Variants in TIGAR observed in about 807,000 individuals in gnomAD.
TIGAR encodes fructose-2,6-bisphosphatase TIGAR.
TIGAR carries 7 observed loss-of-function variants against 17.9 expected under a neutral mutation model. The observed-to-expected ratio is 0.39, with a 90% confidence interval of 0.22 to 0.73. The LOEUF (loss-of-function observed/expected upper bound fraction) is 0.73, where lower values mean the gene tolerates loss of function less well. TIGAR is among the 30% of genes least tolerant of loss of function. The pLI is 0.42. For missense variants in TIGAR, 258 were observed against 327.4 expected (o/e 0.79, Z 1.64); for synonymous variants, 94 against 108.6 (o/e 0.87, Z 0.84).
intron 1 of TIGAR, 103 bp from the exon 2 acceptor site, chr12:4,331,177 A>T: frequency 1.0e-6 from 1 of 988,646 alleles, no homozygotes; most frequent in Non-Finnish European, 1.6e-6. Context: ...CAAGTTTCAC[A>T]TGATATTTTT....
Position 4,353,091 on chromosome 12 carries a change from T to C in TIGAR, c.*400T>C, listed in dbSNP as rs2120696787. The C allele has an allele frequency of 6.0e-6, 1 of 166,738 alleles. No individual in the cohort carries two copies. The highest frequency in any genetic ancestry group is 1.7e-4 in the East Asian group (1 of 5,862). 10.3% of individuals were successfully genotyped at this position (166,738 alleles called of 1,614,324 possible). ...AGTGCTTAGAAGAAAGAATGGTTTA[T>C]AATTCCCAGTACATGTTTATATTGA... On this transcript the variant is annotated 3_prime_UTR_variant, in exon 6 of 6. Coordinates refer to ENST00000179259, the MANE Select transcript of TIGAR (RefSeq NM_020375.3).
rs919862918 is a variant in TIGAR at position 4,352,641 on chromosome 12, A to G, written c.763A>G (p.Ile255Val). 3 of 1,605,966 alleles carry G rather than the reference A, an allele frequency of 1.9e-6. No homozygotes were observed. Among genetic ancestry groups the G allele is most frequent in the African/African-American group, 1.3e-5 (1 of 75,060 alleles). ...AGAAGTTAAACCAACGGTTCAGTGTATTTGTATGAACCTACAGGATCATCT... is the reference window on the plus strand; with the variant it reads ...AGAAGTTAAACCAACGGTTCAGTGTGTTTGTATGAACCTACAGGATCATCT... ...GREVKPTVQC[I>V]CMNLQDHLNG... The change falls in exon 6 of 6, where the codon ATT becomes GTT. Residue 255 changes from isoleucine (I) to valine (V), a missense_variant. By Grantham distance (29) the Ile-to-Val change is conservative. Coordinates refer to ENST00000179259, the MANE Select transcript of TIGAR (RefSeq NM_020375.3).
intron 1 of TIGAR, among the ~76,000 whole-genome samples, chr12:4,327,242 C>T (rs1007266459): frequency 1.3e-5 from 2 of 152,072 alleles, no homozygotes; most frequent in Non-Finnish European, 2.9e-5. Flanking sequence ...AACCATGTCT[C>T]TACTAAACAT....
chr12:4,324,953 T>TTG, intron 1 of TIGAR: 2 of 267,440 alleles, frequency 7.5e-6, no homozygotes, highest in Non-Finnish European at 7.1e-6. Context: ...TTTTTTTTTT[T>TTG]TTTGACGAAA....
In TIGAR at chr12:4,349,287, G is replaced by A. The variant is rs146089446; in HGVS notation, c.193-532G>A. Among the ~76,000 whole-genome samples the A allele has an allele frequency of 2.8e-3, 430 of 152,274 alleles. 3 individuals carry two copies. Among genetic ancestry groups the A allele is most frequent in the African/African-American group, 9.9e-3 (410 of 41,544 alleles). Reference sequence around the variant, plus strand: ...TACTTTATTTGCAAAAGCAGATGATGGTCTGGATTGTGCTGACTTCTGAAC... The same window carrying A: ...TACTTTATTTGCAAAAGCAGATGATAGTCTGGATTGTGCTGACTTCTGAAC... On this transcript the variant is annotated intron_variant, in intron 3 of 5. Coordinates refer to ENST00000179259, the MANE Select transcript of TIGAR (RefSeq NM_020375.3).
At chr12:4,324,723 G>T in intron 1 of TIGAR, 1 of 668,464 alleles carries the variant, frequency 1.5e-6, no homozygotes, top group Non-Finnish European at 2.5e-6. Flanking sequence ...GCTGCTCGCA[G>T]GACACGTCCC....
At chr12:4,342,307 ACT>A (rs1380284802) in intron 3 of TIGAR, among the ~76,000 whole-genome samples, 3 of 152,202 alleles carry the variant, frequency 2.0e-5, no homozygotes, top group African/African-American at 7.2e-5. Context: ...GTTGGAAAAC[ACT>A]CTGCAGCATA....
intron 2 of TIGAR, among the ~76,000 whole-genome samples, chr12:4,333,753 C>T (rs894518675): frequency 5.9e-5 from 9 of 152,172 alleles, no homozygotes; most frequent in South Asian, 4.1e-4. Context: ...CGTTAGCCAC[C>T]GCGCCTGGCC....
chr12:4,324,264 T>A, intron 1 of TIGAR: 1 of 631,600 alleles, frequency 1.6e-6, no homozygotes, highest in Non-Finnish European at 2.8e-6. Context: ...AGGGTCTGGT[T>A]CCTTGGAATG....
Position 4,357,532 on chromosome 12 carries a change from A to G in TIGAR, c.*4841A>G, listed in dbSNP as rs1214967062. 6.6e-6 allele frequency among the ~76,000 whole-genome samples: 1 copy of G among 152,192 alleles called. No homozygotes were observed. The highest frequency in any genetic ancestry group is 1.5e-5 in the Non-Finnish European group (1 of 68,026). On this transcript the variant is annotated 3_prime_UTR_variant, in exon 6 of 6. Transcript: ENST00000179259. ...ACCCCTCTTTCTTTGGGCCCCATCA[A>G]TTTGGAAGTACAGCTTTCAGATTGA...
In TIGAR at chr12:4,354,078, CTG is replaced by C. The variant is rs1864869446; in HGVS notation, c.*1390_*1391del. 1.3e-5 allele frequency: 2 copies of C among 152,532 alleles called. No homozygotes were observed. Among genetic ancestry groups the C allele is most frequent in the Admixed American group, 1.3e-4 (2 of 15,264 alleles). The allele number at this position is 152,532 out of a possible 1,614,324, so 9.4% of individuals were successfully genotyped here. A position where few individuals can be genotyped will look rare whatever the true frequency, so the allele number is the denominator to read the frequency against. ...TTTTAAGTCACCATGTTGCTAAATG[CTG>C]TGAGTCTCAACTTTAAAGAGGGTTA... is the stretch of plus-strand genomic sequence containing the variant. On this transcript the variant is annotated 3_prime_UTR_variant, in exon 6 of 6. Coordinates refer to ENST00000179259, the MANE Select transcript of TIGAR (RefSeq NM_020375.3).
Position 4,348,707 on chromosome 12 carries a change from A to G in TIGAR, c.193-1112A>G, listed in dbSNP as rs184850166. On this transcript the variant is annotated intron_variant, in intron 3 of 5. Coordinates refer to ENST00000179259, the MANE Select transcript of TIGAR (RefSeq NM_020375.3). ...AAATACAAGGAAATATTGACAGTACATATAAAACAGTATGATGATGATGTC... is the reference window on the plus strand; with the variant it reads ...AAATACAAGGAAATATTGACAGTACGTATAAAACAGTATGATGATGATGTC... 9.7e-4 allele frequency among the ~76,000 whole-genome samples: 148 copies of G among 152,388 alleles called. 1 individual carries two copies. The highest frequency in any genetic ancestry group is 6.4e-3 in the South Asian group (31 of 4,832).
At chr12:4,327,410 GAAA>G (rs541221100) in intron 1 of TIGAR, among the ~76,000 whole-genome samples, 1 of 85,090 alleles carries the variant, frequency 1.2e-5, no homozygotes, top group Non-Finnish European at 2.5e-5. Flanking sequence ...CCCCATCTCA[GAAA>G]AAAAAAAAAA....
At chr12:4,347,901 C>T (rs966048878) in intron 3 of TIGAR, among the ~76,000 whole-genome samples, 2 of 151,922 alleles carry the variant, frequency 1.3e-5, no homozygotes, top group Non-Finnish European at 2.9e-5. Flanking sequence ...TTTGGGAGGC[C>T]GAAGCGGGAA....
chr12:4,343,091 T>A (rs935716945), intron 3 of TIGAR, among the ~76,000 whole-genome samples: 1 of 152,132 alleles, frequency 6.6e-6, no homozygotes, highest in Non-Finnish European at 1.5e-5. Context: ...GCAGTTCTAG[T>A]CTCTGATAAA....
At chr12:4,337,637 T>A (rs1298907431) in intron 3 of TIGAR, among the ~76,000 whole-genome samples, 1 of 152,152 alleles carries the variant, frequency 6.6e-6, no homozygotes, top group African/African-American at 2.4e-5. Flanking sequence ...AAATAATTTT[T>A]AAATTAGAGT....
At chr12:4,336,759 G>A (rs1864664021) in intron 2 of TIGAR, among the ~76,000 whole-genome samples, 1 of 151,982 alleles carries the variant, frequency 6.6e-6, no homozygotes, top group Admixed American at 6.6e-5. Context: ...GAAGAGAGGG[G>A]CAAACATAAA....
Position 4,358,607 on chromosome 12 carries a change from T to C in TIGAR, c.*5916T>C, listed in dbSNP as rs368640786. Among the ~76,000 whole-genome samples the C allele has an allele frequency of 2.0e-5, 3 of 151,028 alleles. No individual in the cohort carries two copies. The highest frequency in any genetic ancestry group is 3.9e-4 in the East Asian group (2 of 5,130). ...GTGTGTTTCCTGAGATCAACAATGTTCTTATATATAACCCAGAATAAATAT... is the reference window on the plus strand; with the variant it reads ...GTGTGTTTCCTGAGATCAACAATGTCCTTATATATAACCCAGAATAAATAT... On this transcript the variant is annotated 3_prime_UTR_variant, in exon 6 of 6. Coordinates refer to ENST00000179259, the MANE Select transcript of TIGAR (RefSeq NM_020375.3).
chr12:4,338,161 C>T (rs2120669228), intron 3 of TIGAR, among the ~76,000 whole-genome samples: 1 of 152,178 alleles, frequency 6.6e-6, no homozygotes, highest in African/African-American at 2.4e-5. Context: ...AAAACGAACC[C>T]AGTCTACTTC....
Sources: allele counts gnomAD v4.1 joint callset (sites outside exome capture counted in the v4.1 genomes callset), GRCh38; gene constraint gnomAD v4.1.1; transcripts MANE v1.5; gene names NCBI Gene and HGNC (gene_info 2026-07-23, HGNC 2026-07-21).